CD163L1: variants seen among roughly 807,000 people sequenced by gnomAD.
CD163L1 encodes scavenger receptor cysteine-rich type 1 protein M160.
CD163L1 carries 124 observed loss-of-function variants against 165.4 expected under a neutral mutation model. The ratio of observed to expected loss-of-function variants is 0.75; its 90% CI spans 0.65 to 0.87. The LOEUF is 0.87. Among genes scored for constraint, CD163L1 ranks in the 40% least tolerant of loss-of-function variants. The pLI, the probability that CD163L1 is intolerant of heterozygous loss-of-function variation, is 0.00. For missense variants in CD163L1, 1,525 were observed against 1,799.9 expected (o/e 0.85, Z 2.76); for synonymous variants, 585 against 662.2 (o/e 0.88, Z 1.79).
intron 8 of CD163L1, among the ~76,000 whole-genome samples, chr12:7,393,483 G>A (rs1324127466): frequency 6.6e-6 from 1 of 152,138 alleles, no homozygotes. Flanking sequence ...ATGGGCAAAA[G>A]CTGGAAGAAT....
intron 8 of CD163L1, among the ~76,000 whole-genome samples, chr12:7,394,354 A>G (rs965906413): frequency 2.2e-4 from 34 of 152,198 alleles, no homozygotes; most frequent in Non-Finnish European, 4.7e-4. Context: ...AGGATTCCCT[A>G]TTTAATAAAT....
the CD163L1 span, among the ~76,000 whole-genome samples, chr12:7,330,580 GAGTTCACTCTCTTCCTTC>G: frequency 6.6e-6 from 1 of 152,200 alleles, no homozygotes; most frequent in Non-Finnish European, 1.5e-5. Flanking sequence ...AACTAGGGCT[GAGTTCACTCTCTTCCTTC>G]AGAGATAAAA....
At chr12:7,437,459 A>AT (rs1311790826) in intron 2 of CD163L1, among the ~76,000 whole-genome samples, 1 of 151,470 alleles carries the variant, frequency 6.6e-6, no homozygotes, top group East Asian at 1.9e-4. Flanking sequence ...TACATTAGGT[A>AT]TTTCTCCTAA....
At chr12:7,381,735 T>C (rs1947413045) in intron 8 of CD163L1, among the ~76,000 whole-genome samples, 2 of 152,070 alleles carry the variant, frequency 1.3e-5, no homozygotes, top group South Asian at 2.1e-4. Flanking sequence ...ATATATCTTG[T>C]AGGAATCTCT....
intron 4 of CD163L1, among the ~76,000 whole-genome samples, chr12:7,415,554 C>A (rs1948220121): frequency 6.6e-6 from 1 of 152,042 alleles, no homozygotes; most frequent in African/African-American, 2.4e-5. Context: ...TAAAGTATTT[C>A]TTCTAATGCT....
chr12:7,370,842 G>A (rs1411493718), intron 14 of CD163L1, among the ~76,000 whole-genome samples: 1 of 152,036 alleles, frequency 6.6e-6, no homozygotes, highest in African/African-American at 2.4e-5. Context: ...ATCATTGAAT[G>A]GCCTATATAA....
Position 7,375,499 on chromosome 12 carries a change from T to A in CD163L1, c.2783A>T (p.His928Leu). 3 of 1,614,154 alleles carry A rather than the reference T, an allele frequency of 1.9e-6. No homozygotes were observed. The highest frequency in any genetic ancestry group is 2.5e-6 in the Non-Finnish European group (3 of 1,180,024). Reference sequence around the variant, plus strand: ...AACACGGGCATCTTCTGGGTCCCAGTGGGTGTCACACAGTGAGCCCCAGTG... The same window carrying A: ...AACACGGGCATCTTCTGGGTCCCAGAGGGTGTCACACAGTGAGCCCCAGTG... ...LGHWGSLCDTHWDPEDARVLC... is the reference protein window; with the variant it reads ...LGHWGSLCDTLWDPEDARVLC... Residue 928 changes from histidine (H) to leucine (L), a missense_variant, in exon 11 of 20, where the codon CAC (histidine) becomes CTC (leucine). By Grantham distance (99) the His-to-Leu change is moderately conservative (BLOSUM62 -3). Transcript: ENST00000313599.
At chr12:7,376,878 T>C (rs1407560690) in intron 9 of CD163L1, among the ~76,000 whole-genome samples, 1 of 152,182 alleles carries the variant, frequency 6.6e-6, no homozygotes, top group Non-Finnish European at 1.5e-5. Flanking sequence ...TAATTATTCC[T>C]CTATAGTTCA....
At position 7,425,304 on chromosome 12, in the gene CD163L1, C is replaced by T. The variant is rs181735177; in HGVS notation, c.766+7112G>A. Reference sequence around the variant, plus strand: ...ATATGCAGAAAACTGAAACTGGAACCCTTCCTTACACTTTATACAAAAATT... The same window carrying T: ...ATATGCAGAAAACTGAAACTGGAACTCTTCCTTACACTTTATACAAAAATT... On this transcript the variant is annotated intron_variant, in intron 4 of 19. Transcript: ENST00000313599. Among the ~76,000 whole-genome samples the T allele has an allele frequency of 1.1e-3, 162 of 152,214 alleles. 3 individuals are homozygous for T. The highest frequency in any genetic ancestry group is 9.6e-3 in the Admixed American group (146 of 15,286).
chr12:7,341,179 C>T, the CD163L1 span, among the ~76,000 whole-genome samples: 2 of 152,068 alleles, frequency 1.3e-5, no homozygotes, highest in East Asian at 3.8e-4. Context: ...AAAATAAAGT[C>T]ACAGAACATT....
the CD163L1 span, among the ~76,000 whole-genome samples, chr12:7,326,559 A>T: frequency 2.2e-3 from 339 of 152,032 alleles, 2 homozygotes; most frequent in African/African-American, 8.0e-3. Flanking sequence ...CTCCGTTGAG[A>T]CCCTCCAAAC....
intron 5 of CD163L1, among the ~76,000 whole-genome samples, chr12:7,406,101 T>C (rs963833462): frequency 1.3e-5 from 2 of 152,198 alleles, no homozygotes; most frequent in African/African-American, 4.8e-5. Context: ...AATAGTTTAT[T>C]TTAATGAAAG....
intron 4 of CD163L1, among the ~76,000 whole-genome samples, chr12:7,416,446 G>T (rs1384178274): frequency 6.6e-6 from 1 of 152,058 alleles, no homozygotes; most frequent in Non-Finnish European, 1.5e-5. Context: ...GTCAATTTTG[G>T]CTTTTGTTGC....
chr12:7,360,716 G>T (rs1472698233), intron 18 of CD163L1, among the ~76,000 whole-genome samples: 2 of 152,276 alleles, frequency 1.3e-5, no homozygotes, highest in Non-Finnish European at 2.9e-5. Context: ...TTGCCTCATA[G>T]AATATGGCTA....
chr12:7,321,781 C>T, the CD163L1 span, among the ~76,000 whole-genome samples: 3 of 152,308 alleles, frequency 2.0e-5, no homozygotes, highest in South Asian at 2.1e-4. Flanking sequence ...TTACTAATCA[C>T]GTGGCCTTGG....
Position 7,432,280 on chromosome 12 carries a change from A to C in CD163L1, c.766+136T>G, listed in dbSNP as rs1948642431. On this transcript the variant is annotated intron_variant, in intron 4 of 19. Coordinates refer to ENST00000313599, the MANE Select transcript of CD163L1 (RefSeq NM_174941.6). The surrounding 1 kb of genome is among the most constrained non-coding windows in gnomAD (Gnocchi z 4.2). The stretch of plus-strand genomic sequence containing the variant: ...AGTGTTTAGGAAAACTCCAGAATGG[A>C]GCAATTTCAGGGTAACAAAAATGTG... 1 of 659,970 alleles carries C rather than the reference A, an allele frequency of 1.5e-6. No homozygotes were observed. The highest frequency in any genetic ancestry group is 2.7e-5 in the East Asian group (1 of 36,560). 40.9% of individuals were successfully genotyped at this position (659,970 alleles called of 1,614,324 possible).
At chr12:7,385,761 GAGTT>G (rs1016108297) in intron 8 of CD163L1, among the ~76,000 whole-genome samples, 1 of 151,820 alleles carries the variant, frequency 6.6e-6, no homozygotes, top group African/African-American at 2.4e-5. Context: ...AATGATCATT[GAGTT>G]AATTAAAAAA....
chr12:7,342,509 G>A (rs1222669619), downstream of CD163L1, among the ~76,000 whole-genome samples: 1 of 152,178 alleles, frequency 6.6e-6, no homozygotes, highest in Non-Finnish European at 1.5e-5. Context: ...TGAAGGCTGT[G>A]AGACCCCTGA....
chr12:7,392,470 C>T (rs1947677938), intron 8 of CD163L1, among the ~76,000 whole-genome samples: 2 of 151,964 alleles, frequency 1.3e-5, no homozygotes, highest in South Asian at 4.1e-4. Flanking sequence ...CAAGAGAAAG[C>T]AGGAAAGATC....
Sources: gnomAD v4.1 joint callset for allele counts (sites outside exome capture counted in the v4.1 genomes callset) on GRCh38, gnomAD v4.1.1 for gene constraint, Gnocchi (gnomAD v3.1) non-coding constraint, MANE v1.5 for transcripts, NCBI Gene and HGNC (gene_info 2026-07-23, HGNC 2026-07-21) for gene names.